Variants in CLNK observed in about 807,000 individuals in gnomAD.
CLNK encodes cytokine dependent hematopoietic cell linker.
A neutral mutation model predicts 68.6 loss-of-function variants in CLNK; 74 were observed. That is an observed-to-expected ratio of 1.08 (90% confidence interval 0.89 to 1.31). The LOEUF is 1.31. CLNK is among the 50% of genes most tolerant of loss of function. The probability of loss-of-function intolerance (pLI) is 0.00; values close to 1 mark genes in which losing one functional copy is unlikely to be tolerated. For missense variants in CLNK, 553 were observed against 515.3 expected, an observed-to-expected ratio of 1.07 and a Z score of -0.71; for synonymous variants, 198 against 172.2, an observed-to-expected ratio of 1.15 and a Z score of -1.17.
At chr4:10,680,371 T>G (rs13145576) in intron 1 of CLNK, among the ~76,000 whole-genome samples, 96,918 of 118,576 alleles carry the variant, frequency 0.82, 39,521 homozygotes, top group Non-Finnish European at 0.86. Flanking sequence ...CTGTGGTGGG[T>G]TGGGGGGAGG....
chr4:10,561,812 T>C (rs999770632), intron 7 of CLNK, among the ~76,000 whole-genome samples: 5 of 152,200 alleles, frequency 3.3e-5, no homozygotes, highest in Non-Finnish European at 7.3e-5. Flanking sequence ...AAAGTCTTTT[T>C]TGTGAACAGA....
At chr4:10,663,821 T>G (rs188053091) in intron 2 of CLNK, among the ~76,000 whole-genome samples, 225 of 152,310 alleles carry the variant, frequency 1.5e-3, no homozygotes, top group Non-Finnish European at 2.0e-3. Context: ...GGGGGCTGAT[T>G]AGGCCAAGAG....
intron 6 of CLNK, among the ~76,000 whole-genome samples, 195 bp downstream of exon 6, chr4:10,565,814 T>C (rs1720085835): frequency 6.6e-6 from 1 of 152,154 alleles, no homozygotes; most frequent in Non-Finnish European, 1.5e-5. Flanking sequence ...CTGGGTCAAC[T>C]TCTATTATTA....
At chr4:10,611,070 A>G (rs1188974620) in intron 2 of CLNK, among the ~76,000 whole-genome samples, 1 of 152,198 alleles carries the variant, frequency 6.6e-6, no homozygotes, top group Non-Finnish European at 1.5e-5. Context: ...CTGTAATCCC[A>G]GCACTTTGGG....
upstream of CLNK, among the ~76,000 whole-genome samples, chr4:10,687,120 G>A (rs1260719860): frequency 1.3e-5 from 2 of 151,120 alleles, no homozygotes; most frequent in Non-Finnish European, 2.9e-5. Flanking sequence ...TGCCTGATCA[G>A]ACATGTATTG....
At chr4:10,734,405 C>T in the CLNK span, among the ~76,000 whole-genome samples, 11 of 152,178 alleles carry the variant, frequency 7.2e-5, no homozygotes, top group African/African-American at 1.9e-4. Flanking sequence ...ATTACCCAGC[C>T]GAATCTTTCC....
chr4:10,495,979 G>T (rs191527643), intron 18 of CLNK, among the ~76,000 whole-genome samples: 37 of 152,296 alleles, frequency 2.4e-4, no homozygotes, highest in African/African-American at 7.5e-4. Flanking sequence ...AAGGAGTGTG[G>T]CCCTGCTGAT....
chr4:10,723,919 A>AGAGAGATCG, the CLNK span, among the ~76,000 whole-genome samples: 1 of 148,032 alleles, frequency 6.8e-6, no homozygotes, highest in East Asian at 2.0e-4. Context: ...AGAGAGAGAG[A>AGAGAGATCG]AGGCAGGGCA....
At chr4:10,583,123 C>T (rs1238951957) in intron 4 of CLNK, among the ~76,000 whole-genome samples, 6 of 152,264 alleles carry the variant, frequency 3.9e-5, no homozygotes, top group East Asian at 1.9e-4. Context: ...ATCAAGCCAC[C>T]GTCACGCACA....
intron 1 of CLNK, among the ~76,000 whole-genome samples, chr4:10,678,655 G>C (rs13149677): frequency 0.29 from 44,170 of 151,940 alleles, 6,546 homozygotes; most frequent in Admixed American, 0.33. Context: ...ATCTCCTTAA[G>C]CTGATAGGCA....
the CLNK span, among the ~76,000 whole-genome samples, chr4:10,707,876 C>T: frequency 7.2e-5 from 11 of 152,254 alleles, no homozygotes; most frequent in Admixed American, 3.3e-4. Flanking sequence ...GGTAAAGAGG[C>T]GATGATGCCA....
intron 2 of CLNK, among the ~76,000 whole-genome samples, chr4:10,607,687 G>A (rs1473430194): frequency 6.6e-6 from 1 of 152,142 alleles, no homozygotes; most frequent in African/African-American, 2.4e-5. Context: ...CTTGCTCAGA[G>A]GGTCCTATAC....
intron 3 of CLNK, 91 bp downstream of exon 3, chr4:10,597,887 A>G: frequency 1.2e-6 from 1 of 860,288 alleles, no homozygotes; most frequent in South Asian, 1.6e-5. Context: ...ATTCCATCAC[A>G]TTGACAATTT....
intron 2 of CLNK, among the ~76,000 whole-genome samples, chr4:10,657,588 G>T (rs1347737108): frequency 6.6e-6 from 1 of 152,124 alleles, no homozygotes; most frequent in African/African-American, 2.4e-5. Flanking sequence ...AGAGTTCTTA[G>T]AAAAATCTAC....
At chr4:10,613,736 T>C (rs185062583) in intron 2 of CLNK, among the ~76,000 whole-genome samples, 2 of 152,192 alleles carry the variant, frequency 1.3e-5, no homozygotes, top group African/African-American at 4.8e-5. Context: ...GGGGAGGTGT[T>C]ACTCTCTTTG....
intron 17 of CLNK, among the ~76,000 whole-genome samples, chr4:10,504,668 T>C (rs1011834139): frequency 6.6e-6 from 1 of 152,228 alleles, no homozygotes. Context: ...GAAGCCTTAA[T>C]GTTCAAGCAC....
the CLNK span, among the ~76,000 whole-genome samples, chr4:10,722,550 T>C: frequency 6.6e-6 from 1 of 152,234 alleles, no homozygotes. Context: ...CCTGCTCTTC[T>C]CTGCTCTCAT....
intron 8 of CLNK, among the ~76,000 whole-genome samples, chr4:10,551,525 T>A (rs1333067379): frequency 2.0e-5 from 3 of 152,140 alleles, no homozygotes; most frequent in Admixed American, 2.0e-4. Context: ...GGCCTCAGCC[T>A]CCAAAAGTGC....
chr4:10,498,598 A>T (rs1350260338), intron 18 of CLNK, among the ~76,000 whole-genome samples: 1 of 152,184 alleles, frequency 6.6e-6, no homozygotes, highest in Non-Finnish European at 1.5e-5. Context: ...ACTGAACTGG[A>T]AAGTCCATTA....
Sources: gnomAD v4.1 joint callset for allele counts (sites outside exome capture counted in the v4.1 genomes callset) on GRCh38, gnomAD v4.1.1 for gene constraint, MANE v1.5 for transcripts, NCBI Gene and HGNC (gene_info 2026-07-23, HGNC 2026-07-21) for gene names.